Variants in AP3B1 observed in about 807,000 individuals in gnomAD.
The protein encoded by AP3B1 is AP-3 complex subunit beta-1.
In AP3B1, 61 loss-of-function variants were observed where a neutral mutation model predicts 132.5. The ratio of observed to expected loss-of-function variants is 0.46; its 90% CI spans 0.37 to 0.57. The LOEUF is 0.57. AP3B1 is among the 20% of genes least tolerant of loss of function. The pLI is 0.00. For synonymous variants in AP3B1, 388 were observed against 438.3 expected, an observed-to-expected ratio of 0.89 and a Z score of 1.43; for missense variants, 1,120 against 1,289.4, an observed-to-expected ratio of 0.87 and a Z score of 2.01.
intron 15 of AP3B1, among the ~76,000 whole-genome samples, chr5:78,131,032 GTATTA>G (rs915044443): frequency 1.6e-4 from 25 of 151,744 alleles, no homozygotes; most frequent in African/African-American, 3.6e-4. Flanking sequence ...ACTGTAAAAT[GTATTA>G]TATTATAAGC....
At chr5:78,120,499 T>C (rs1435421475) in intron 17 of AP3B1, among the ~76,000 whole-genome samples, 3 of 152,066 alleles carry the variant, frequency 2.0e-5, no homozygotes, top group Non-Finnish European at 2.9e-5. Context: ...TGGAGGAAGA[T>C]CTACCAAGCA....
rs1389746676 is a variant in AP3B1, at chr5:78,290,190, A to G, written c.128+4262T>C. On this transcript the variant is annotated intron_variant, in intron 1 of 26. Transcript: ENST00000255194. ...ACTTGAACAAGGAAGCACTACTACA[A>G]ATGGAAAACATCAACTTAAATCCAG... Among the ~76,000 whole-genome samples the G allele has an allele frequency of 2.6e-5, 4 of 152,208 alleles. No individual in the cohort carries two copies. In the East Asian group the frequency reaches 7.7e-4, roughly 29 times the overall value.
chr5:78,120,136 A>C (rs2112277216), intron 17 of AP3B1, among the ~76,000 whole-genome samples: 1 of 152,320 alleles, frequency 6.6e-6, no homozygotes, highest in African/African-American at 2.4e-5. Flanking sequence ...AGACAAGCAA[A>C]TGCTGAGAGA....
At chr5:78,023,520 A>G (rs1345883445) in intron 24 of AP3B1, among the ~76,000 whole-genome samples, 1 of 152,216 alleles carries the variant, frequency 6.6e-6, no homozygotes, top group Non-Finnish European at 1.5e-5. Context: ...GGAGTCTGGA[A>G]GCAGTAAGAA....
chr5:78,209,710 C>T (rs1284778282), intron 7 of AP3B1, among the ~76,000 whole-genome samples: 1 of 152,136 alleles, frequency 6.6e-6, no homozygotes, highest in Non-Finnish European at 1.5e-5. Flanking sequence ...AGACCTGGCT[C>T]AGATACTTTT....
chr5:78,040,804 C>T (rs531176282), intron 22 of AP3B1, among the ~76,000 whole-genome samples: 35 of 152,194 alleles, frequency 2.3e-4, no homozygotes, highest in African/African-American at 8.2e-4. Flanking sequence ...TTTCACTATG[C>T]CGTGTACACC....
intron 2 of AP3B1, among the ~76,000 whole-genome samples, chr5:78,248,350 T>C (rs1747464042): frequency 6.6e-6 from 1 of 150,602 alleles, no homozygotes; most frequent in Admixed American, 6.6e-5. Context: ...ATTAGCCAGG[T>C]GTGGTGGCGT....
At chr5:78,170,353 A>G (rs1743858734) in intron 11 of AP3B1, among the ~76,000 whole-genome samples, 1 of 152,208 alleles carries the variant, frequency 6.6e-6, no homozygotes. Context: ...CAATGGTTGA[A>G]CTAGTTTACA....
intron 1 of AP3B1, among the ~76,000 whole-genome samples, chr5:78,282,377 GA>G (rs34172654): frequency 0.23 from 32,455 of 141,354 alleles, 4,251 homozygotes; most frequent in Middle Eastern, 0.32. Flanking sequence ...ACTGAAAATT[GA>G]AAAAAAAAAA....
At chr5:78,100,647 T>C (rs1751087797) in intron 21 of AP3B1, among the ~76,000 whole-genome samples, 1 of 152,232 alleles carries the variant, frequency 6.6e-6, no homozygotes, top group Non-Finnish European at 1.5e-5. Context: ...TTTCACAATG[T>C]AGAAGTTATA....
chr5:78,245,438 G>A (rs1403047092), intron 2 of AP3B1, among the ~76,000 whole-genome samples: 1 of 152,058 alleles, frequency 6.6e-6, no homozygotes, highest in Non-Finnish European at 1.5e-5. Flanking sequence ...TAAGAAAGCG[G>A]GTCTCCCTCT....
chr5:78,128,823 A>T (rs1398736446), intron 16 of AP3B1, among the ~76,000 whole-genome samples: 10 of 152,210 alleles, frequency 6.6e-5, no homozygotes, highest in African/African-American at 2.4e-4. Context: ...TTAAAAGAGA[A>T]ATGAAGTCAT....
rs143041387 is a variant in AP3B1, at chr5:78,249,313, C to T, written c.205-8377G>A. 7.8e-3 allele frequency among the ~76,000 whole-genome samples: 1,191 copies of T among 152,086 alleles called. 5 individuals carry two copies. Among genetic ancestry groups the T allele is most frequent in the Non-Finnish European group, 0.014 (960 of 67,982 alleles). ...CCCAGGGGCAGAGGTTGCAGTAAGC[C>T]GAGATTGCACAATGCACTCCAGCCT... On this transcript the variant is annotated intron_variant, in intron 2 of 26. Coordinates refer to ENST00000255194, the MANE Select transcript of AP3B1 (RefSeq NM_003664.5).
chr5:78,119,730 T>G (rs1044864731), intron 17 of AP3B1, among the ~76,000 whole-genome samples: 14 of 152,168 alleles, frequency 9.2e-5, no homozygotes, highest in Non-Finnish European at 1.5e-4. Flanking sequence ...TACCTGAAAG[T>G]GACGGGTAGA....
chr5:78,048,897 G>A lies in AP3B1; in HGVS notation c.2578-9623C>T, dbSNP rs188452618. The stretch of plus-strand genomic sequence containing the variant: ...GGACACTAATTAGAAGGGGAAATAA[G>A]CTTGTAATGGGAGAATGCCCCCTTC... On this transcript the variant is annotated intron_variant, in intron 22 of 26. Coordinates refer to ENST00000255194, the MANE Select transcript of AP3B1 (RefSeq NM_003664.5). Among the ~76,000 whole-genome samples the A allele has an allele frequency of 3.3e-5, 5 of 152,306 alleles. No homozygotes were observed. In the East Asian group the frequency reaches 9.7e-4, roughly 29 times the overall value.
intron 22 of AP3B1, among the ~76,000 whole-genome samples, chr5:78,072,415 A>G (rs545881324): frequency 3.7e-4 from 56 of 152,316 alleles, no homozygotes; most frequent in Non-Finnish European, 7.4e-4. Flanking sequence ...GATAATCACA[A>G]TTCAAGCAAG....
chr5:78,169,676 C>A (rs989641440), intron 11 of AP3B1, among the ~76,000 whole-genome samples: 2 of 152,180 alleles, frequency 1.3e-5, no homozygotes, highest in Non-Finnish European at 2.9e-5. Context: ...AATCCTCCCA[C>A]CTTAGCCTCC....
chr5:78,169,811 G>A (rs549521980), intron 11 of AP3B1, among the ~76,000 whole-genome samples: 6 of 151,940 alleles, frequency 3.9e-5, no homozygotes, highest in Admixed American at 3.9e-4. Flanking sequence ...CAACGTGCAG[G>A]TTTGATACAT....
intron 7 of AP3B1, among the ~76,000 whole-genome samples, chr5:78,211,512 A>G (rs925134705): frequency 2.0e-5 from 3 of 152,228 alleles, no homozygotes; most frequent in Non-Finnish European, 4.4e-5. Context: ...TTATTGACAA[A>G]AGCATGTACA....
Sources: gnomAD v4.1 joint callset for allele counts (sites outside exome capture counted in the v4.1 genomes callset) on GRCh38, gnomAD v4.1.1 for gene constraint, MANE v1.5 for transcripts, NCBI Gene and HGNC (gene_info 2026-07-23, HGNC 2026-07-21) for gene names.